RC3H1: variants seen among roughly 807,000 people sequenced by gnomAD.
The protein encoded by RC3H1 is roquin-1.
Under a neutral mutation model 138.2 loss-of-function variants are expected in RC3H1, and 50 were observed. That is an observed-to-expected ratio of 0.36 (90% CI 0.29 to 0.46). The LOEUF (loss-of-function observed/expected upper bound fraction) is 0.46. Among genes scored for constraint, RC3H1 ranks in the 20% least tolerant of loss-of-function variants. The probability of loss-of-function intolerance (pLI) is 1.00; values close to 1 mark genes in which losing one functional copy is unlikely to be tolerated. For synonymous variants in RC3H1, 462 were observed against 489.1 expected (o/e 0.94, Z 0.73); for missense variants, 1,031 against 1,388.1 (o/e 0.74, Z 4.09).
intron 1 of RC3H1, among the ~76,000 whole-genome samples, chr1:173,996,336 G>A (rs1325190865): frequency 6.6e-6 from 1 of 151,960 alleles, no homozygotes; most frequent in Admixed American, 6.6e-5. Context: ...TTGTGCTGAG[G>A]GAAAAGAACC....
At chr1:173,989,099 G>C (rs1451364188) in intron 2 of RC3H1, among the ~76,000 whole-genome samples, 1 of 152,176 alleles carries the variant, frequency 6.6e-6, no homozygotes, top group Non-Finnish European at 1.5e-5. Context: ...TGCGATCGAG[G>C]CTCACTGCAG....
At position 173,963,984 on chromosome 1, in the gene RC3H1, G is replaced by A; in HGVS notation, c.1820C>T (p.Pro607Leu). The A allele has an allele frequency of 6.2e-7, 1 of 1,613,862 alleles. No homozygotes were observed. The highest frequency in any genetic ancestry group is 8.5e-7 in the Non-Finnish European group (1 of 1,179,856). ...RGAAPPFEPA[P>L]YQQGMYYTPP... ...TTTAAAATCGTTACCCTGCTGATAAGGTGCTGGTTCAAATGGCGGAGCTGC... is the reference window on the plus strand; with the variant it reads ...TTTAAAATCGTTACCCTGCTGATAAAGTGCTGGTTCAAATGGCGGAGCTGC... Residue 607 changes from proline to leucine, a missense_variant, in exon 11 of 20, where the codon CCT (proline) becomes CTT (leucine). Around this residue, in one of 7 missense-constraint regions of RC3H1, gnomAD observed 716 missense variants for 837.9 expected, o/e 0.85. Coordinates refer to ENST00000367696, the MANE Select transcript of RC3H1 (RefSeq NM_172071.4).
In RC3H1 at chr1:173,993,058, ATCTTTG is replaced by A; in HGVS notation, c.-79_-74del. 1 of 1,139,338 alleles carries A rather than the reference ATCTTTG, an allele frequency of 8.8e-7. No individual in the cohort carries two copies. Among genetic ancestry groups the A allele is most frequent in the Non-Finnish European group, 1.3e-6 (1 of 775,028 alleles). The allele number at this position is 1,139,338 out of a possible 1,614,324, so 70.6% of individuals were successfully genotyped here. A position where few individuals can be genotyped will look rare whatever the true frequency, so the allele number is the denominator to read the frequency against. ...AAGCAAAGATTCCACTGGAATCAAA[ATCTTTG>A]AAAAAAAGTTTATCTTTTTTTTTTT... On this transcript the variant is annotated 5_prime_UTR_variant, in exon 2 of 20. Coordinates refer to ENST00000367696, the MANE Select transcript of RC3H1 (RefSeq NM_172071.4).
At chr1:173,983,102 T>C in intron 4 of RC3H1, 200 bp from the exon 5 acceptor site, 2 of 483,578 alleles carry the variant, frequency 4.1e-6, no homozygotes, top group Admixed American at 7.7e-5. Flanking sequence ...AGAAAACAGA[T>C]AAAGTGATTA....
Position 173,934,599 on chromosome 1 carries a change from G to A in RC3H1, c.*4122C>T, listed in dbSNP as rs767053. ...TGGCTCTCCTTTAAAGAAAACAGCA[G>A]GTTACCATTCTTAACCAGACCTTTG... On this transcript the variant is annotated 3_prime_UTR_variant, in exon 20 of 20. Coordinates refer to ENST00000367696, the MANE Select transcript of RC3H1 (RefSeq NM_172071.4). 43,947 of 152,030 alleles carry A rather than the reference G, an allele frequency of 0.29. 11,360 individuals carry two copies. Among genetic ancestry groups the A allele is most frequent in the African/African-American group, 0.7 (28,949 of 41,452 alleles). The allele number at this position is 152,030 out of a possible 1,614,324, so 9.4% of individuals were successfully genotyped here.
In RC3H1 at chr1:173,947,427, A is replaced by G; in HGVS notation, c.2679T>C (p.Ala893=). 6 of 1,614,144 alleles carry G rather than the reference A, an allele frequency of 3.7e-6. No individual in the cohort carries two copies. Among genetic ancestry groups the G allele is most frequent in the Non-Finnish European group, 5.1e-6 (6 of 1,180,022 alleles). ...GAGGTGCCATAGCCTGCATTGGACCAGCACCCTGATATATAGTTTTGGAAG... is the reference window on the plus strand; with the variant it reads ...GAGGTGCCATAGCCTGCATTGGACCGGCACCCTGATATATAGTTTTGGAAG... The part of the protein sequence containing the change: ...SRTSKTIYQG[A]GPMQAMAPQG... Residue 893 remains alanine, a synonymous_variant, in exon 15 of 20, where the codon GCT becomes GCC. Coordinates refer to ENST00000367696, the MANE Select transcript of RC3H1 (RefSeq NM_172071.4).
chr1:173,997,368 T>TTTTTA (rs1319763515), intron 1 of RC3H1, among the ~76,000 whole-genome samples: 3 of 152,186 alleles, frequency 2.0e-5, no homozygotes, highest in African/African-American at 7.2e-5. Context: ...AATTTAAGCT[T>TTTTTA]CTTAAGATAA....
At chr1:174,011,682 A>G (rs1273584019) in intron 1 of RC3H1, among the ~76,000 whole-genome samples, 1 of 152,138 alleles carries the variant, frequency 6.6e-6, no homozygotes, top group Non-Finnish European at 1.5e-5. Flanking sequence ...AAATCAAGAG[A>G]CTGATATGAG....
At chr1:173,952,714 A>T (rs977120857) in intron 13 of RC3H1, among the ~76,000 whole-genome samples, 2 of 152,192 alleles carry the variant, frequency 1.3e-5, no homozygotes, top group African/African-American at 4.8e-5. Flanking sequence ...AAGGATGTCT[A>T]ATTTTTATCT....
chr1:173,951,924 G>T, intron 14 of RC3H1, 62 bp downstream of exon 14: 2 of 1,470,244 alleles, frequency 1.4e-6, no homozygotes, highest in Non-Finnish European at 9.1e-7. Context: ...AAATGGTAAT[G>T]GGTAAAAATT....
chr1:173,963,630 T>C (rs1397068827), intron 11 of RC3H1, among the ~76,000 whole-genome samples: 2 of 152,200 alleles, frequency 1.3e-5, no homozygotes, highest in Non-Finnish European at 2.9e-5. Context: ...TAATTCTTTT[T>C]TCATGCTTGA....
Position 173,980,802 on chromosome 1 carries a change from G to A in RC3H1, c.969+7C>T, listed in dbSNP as rs1185764840. On this transcript the variant is annotated splice_region_variant and intron_variant, in intron 6 of 19. Transcript: ENST00000367696. ...GTCTAAGAAGTAAGGAACAAAAAAG[G>A]TCCTACCTTGTCAATAATGGACTGC... 6.2e-7 allele frequency: 1 copy of A among 1,609,638 alleles called. No individual in the cohort carries two copies. The highest frequency in any genetic ancestry group is 2.2e-5 in the East Asian group (1 of 44,792).
Position 173,962,014 on chromosome 1 carries a change from T to G in RC3H1, c.1913A>C (p.Tyr638Ser). The change falls in exon 12 of 20, where the codon TAC (tyrosine) becomes TCC (serine). Residue 638 changes from tyrosine (Y) to serine (S), a missense_variant. By Grantham distance (144) the Tyr-to-Ser change is moderately radical (BLOSUM62 -2). This residue lies in a region of RC3H1 where 716 missense variants were observed against 837.9 expected (regional missense o/e 0.85). Coordinates refer to ENST00000367696, the MANE Select transcript of RC3H1 (RefSeq NM_172071.4). Reference protein sequence around the residue: ...PPSAPEPAPPYLDHYPPYLQE... With the variant: ...PPSAPEPAPPSLDHYPPYLQE... ...GAGGTAGGGTGGATAATGATCCAAG[T>G]AGGGAGGAGCAGGTTCAGGAGCAGA... The G allele has an allele frequency of 6.2e-7, 1 of 1,613,876 alleles. No individual in the cohort carries two copies. Among genetic ancestry groups the G allele is most frequent in the South Asian group, 1.1e-5 (1 of 91,066 alleles).
At chr1:173,948,539 A>G (rs1659236291) in intron 14 of RC3H1, among the ~76,000 whole-genome samples, 1 of 152,198 alleles carries the variant, frequency 6.6e-6, no homozygotes, top group Non-Finnish European at 1.5e-5. Flanking sequence ...CATTTGAGAA[A>G]TACTAGGTTA....
chr1:174,015,322 G>C (rs1252077915), intron 1 of RC3H1, among the ~76,000 whole-genome samples: 1 of 146,794 alleles, frequency 6.8e-6, no homozygotes, highest in African/African-American at 2.5e-5. Context: ...CTATAATAAA[G>C]CTAAGAATTT....
rs769224082 is a variant in RC3H1, at chr1:173,947,582, T to C, written c.2524A>G (p.Asn842Asp). The C allele has an allele frequency of 9.3e-6, 15 of 1,613,344 alleles. No individual in the cohort carries two copies. Among genetic ancestry groups the C allele is most frequent in the Non-Finnish European group, 1.2e-5 (14 of 1,179,706 alleles). The change falls in exon 15 of 20, where the codon AAT becomes GAT. Residue 842 changes from asparagine (N) to aspartate (D), a missense_variant and splice_region_variant. Transcript: ENST00000367696. Reference sequence around the variant, plus strand: ...TCCCTCATTCCTTTACTCTCCACATTCTGATAAAAAAGCAAAATGAGAAAT... The same window carrying C: ...TCCCTCATTCCTTTACTCTCCACATCCTGATAAAAAAGCAAAATGAGAAAT... The part of the protein sequence containing the change: ...VVAAGSVEMM[N>D]VESKGMRDQR...
At position 173,941,346 on chromosome 1, in the gene RC3H1, A is replaced by C; in HGVS notation, c.3170T>G (p.Leu1057Arg). The C allele has an allele frequency of 6.2e-7, 1 of 1,613,666 alleles. No homozygotes were observed. Among genetic ancestry groups the C allele is most frequent in the Non-Finnish European group, 8.5e-7 (1 of 1,179,786 alleles). The change falls in exon 19 of 20, where the codon CTG becomes CGG. Residue 1057 changes from leucine to arginine, a missense_variant. Leu to Arg is a moderately radical substitution (Grantham distance 102). Transcript: ENST00000367696. ...ATTTTCTGCTTGTTTACTTGTATTCAGTTTGCTTTTCATGTCCAGAGAACA... is the reference window on the plus strand; with the variant it reads ...ATTTTCTGCTTGTTTACTTGTATTCCGTTTGCTTTTCATGTCCAGAGAACA... Reference protein sequence around the residue: ...NQCSLDMKSKLNTSKQAENGQ... With the variant: ...NQCSLDMKSKRNTSKQAENGQ...
chr1:173,974,570 T>C (rs1660495759), intron 7 of RC3H1, among the ~76,000 whole-genome samples: 2 of 151,910 alleles, frequency 1.3e-5, no homozygotes, highest in Admixed American at 1.3e-4. Flanking sequence ...AACATCCAAG[T>C]TAGAGGGAAG....
At position 173,978,621 on chromosome 1, in the gene RC3H1, C is replaced by T; in HGVS notation, c.970-1G>A. On this transcript the variant is annotated splice_acceptor_variant, in intron 6 of 19. Coordinates refer to ENST00000367696, the MANE Select transcript of RC3H1 (RefSeq NM_172071.4). LOFTEE classifies it high-confidence loss of function. ...GTGCAAAAGAGGCTGGAGTCTGCAA[C>T]TTAAAAAAGATAAATGTTAACTTTC... The T allele has an allele frequency of 6.2e-7, 1 of 1,606,652 alleles. No individual in the cohort carries two copies. Among genetic ancestry groups the T allele is most frequent in the Non-Finnish European group, 8.5e-7 (1 of 1,177,084 alleles).
Sources: gnomAD v4.1 joint callset for allele counts (sites outside exome capture counted in the v4.1 genomes callset) on GRCh38, gnomAD v4.1.1 for gene constraint, gnomAD v4.1.1 regional missense constraint, MANE v1.5 for transcripts, NCBI Gene and HGNC (gene_info 2026-07-23, HGNC 2026-07-21) for gene names.